CWC22: variants seen among roughly 807,000 people sequenced by gnomAD.
The protein encoded by CWC22 is CWC22 spliceosome associated protein.
CWC22 carries 53 observed loss-of-function variants against 117.2 expected under a neutral mutation model. The observed-to-expected ratio is 0.45, with a 90% CI of 0.36 to 0.57. CWC22 has a LOEUF of 0.57. Ranked by LOEUF, CWC22 falls within the 20% of genes least tolerant of loss-of-function variation. The probability of loss-of-function intolerance (pLI) is 0.00; values close to 1 mark genes in which losing one functional copy is unlikely to be tolerated. For synonymous variants in CWC22, 360 were observed against 355.6 expected, an observed-to-expected ratio of 1.01 and a Z score of -0.14; for missense variants, 980 against 1,068.8, an observed-to-expected ratio of 0.92 and a Z score of 1.16.
At position 179,950,485 on chromosome 2, in the gene CWC22, A is replaced by C. The variant is rs373059756; in HGVS notation, c.2140+27T>G. The C allele has an allele frequency of 6.3e-6, 9 of 1,434,074 alleles. No individual in the cohort carries two copies. In the African/African-American group the frequency reaches 1.3e-4, roughly 20 times the overall value. 88.8% of individuals were successfully genotyped at this position (1,434,074 alleles called of 1,614,324 possible). On this transcript the variant is annotated intron_variant, in intron 19 of 19. Coordinates refer to ENST00000410053, the MANE Select transcript of CWC22 (RefSeq NM_020943.3). Reference sequence around the variant, plus strand: ...GCAACATATTTATTAGAAAAGAGCAAGCCAAATTACACATAAGCTTCAATA... The same window carrying C: ...GCAACATATTTATTAGAAAAGAGCACGCCAAATTACACATAAGCTTCAATA...
At chr2:179,993,817 A>G (rs1687632213) in intron 1 of CWC22, among the ~76,000 whole-genome samples, 1 of 152,166 alleles carries the variant, frequency 6.6e-6, no homozygotes, top group African/African-American at 2.4e-5. Flanking sequence ...ACCTGAGGAA[A>G]CGATAGAAGA....
At chr2:179,960,312 A>G (rs2105516555) in intron 13 of CWC22, among the ~76,000 whole-genome samples, 1 of 152,144 alleles carries the variant, frequency 6.6e-6, no homozygotes, top group Admixed American at 6.5e-5. Flanking sequence ...TCAAGGTTTT[A>G]AAGAGACATA....
intron 12 of CWC22, among the ~76,000 whole-genome samples, chr2:179,965,010 A>G (rs1686853215): frequency 6.6e-6 from 1 of 152,192 alleles, no homozygotes; most frequent in Non-Finnish European, 1.5e-5. Context: ...AGTTGCAGAG[A>G]ACACTAGATC....
intron 17 of CWC22, among the ~76,000 whole-genome samples, chr2:179,952,235 A>G (rs1686469222): frequency 6.6e-6 from 1 of 152,098 alleles, no homozygotes; most frequent in Admixed American, 6.6e-5. Context: ...ACAATTCTGT[A>G]TTTTCTAAGA....
At chr2:179,956,101 A>G (rs1368520844) in intron 14 of CWC22, among the ~76,000 whole-genome samples, 1 of 151,926 alleles carries the variant, frequency 6.6e-6, no homozygotes, top group Non-Finnish European at 1.5e-5. Flanking sequence ...TGTCATATTT[A>G]CTAACACAGG....
intron 8 of CWC22, 46 bp from the exon 9 acceptor site, chr2:179,971,122 T>C: frequency 8.0e-7 from 1 of 1,244,448 alleles, no homozygotes; most frequent in Non-Finnish European, 1.1e-6. Context: ...TGCTTTTACA[T>C]ACATTAAATT....
chr2:179,960,815 T>C (rs1241301920), intron 13 of CWC22, among the ~76,000 whole-genome samples: 1 of 152,022 alleles, frequency 6.6e-6, no homozygotes, highest in Non-Finnish European at 1.5e-5. Flanking sequence ...GTATATCACG[T>C]GCTTAGAGAA....
chr2:179,945,377 T>TTCTC lies in CWC22; in HGVS notation c.2475_2478dup (p.Arg827GlufsTer7). ...TTCTCATTTTCAGAAAAAGAATTTC[T>TTCTC]TCTCTCTCCTCTCTTCTTTTTGGGA... On this transcript the variant is annotated frameshift_variant, in exon 20 of 20. Coordinates refer to ENST00000410053, the MANE Select transcript of CWC22 (RefSeq NM_020943.3). LOFTEE classifies it high-confidence loss of function. 6.2e-7 allele frequency: 1 copy of TTCTC among 1,612,038 alleles called. No homozygotes were observed. The highest frequency in any genetic ancestry group is 2.2e-5 in the East Asian group (1 of 44,864).
chr2:179,983,583 T>C (rs1687339047), intron 4 of CWC22, among the ~76,000 whole-genome samples: 1 of 152,282 alleles, frequency 6.6e-6, no homozygotes, highest in South Asian at 2.1e-4. Flanking sequence ...TACACATGCA[T>C]GTGTCTTTAT....
chr2:179,960,503 T>C (rs1686724524), intron 13 of CWC22, among the ~76,000 whole-genome samples: 1 of 152,002 alleles, frequency 6.6e-6, no homozygotes, highest in South Asian at 2.1e-4. Context: ...TTTTAAGAAA[T>C]ACATTCTTAT....
intron 13 of CWC22, among the ~76,000 whole-genome samples, chr2:179,961,557 C>T (rs1460491306): frequency 1.3e-5 from 2 of 151,920 alleles, no homozygotes; most frequent in Non-Finnish European, 2.9e-5. Flanking sequence ...AAACCAAAAA[C>T]ATTTAAAACA....
At chr2:179,957,956 G>A in intron 14 of CWC22, among the ~76,000 whole-genome samples, 1 of 152,126 alleles carries the variant, frequency 6.6e-6, no homozygotes, top group East Asian at 1.9e-4. Context: ...GTAAGACAGT[G>A]AGTCCCATGG....
chr2:179,976,710 AC>A (rs1416425760), intron 6 of CWC22, among the ~76,000 whole-genome samples: 11 of 152,336 alleles, frequency 7.2e-5, no homozygotes, highest in South Asian at 2.1e-4. Context: ...GAGACATCTC[AC>A]AACTGTTACA....
chr2:179,994,520 T>C (rs1687650895), intron 1 of CWC22, among the ~76,000 whole-genome samples: 1 of 152,170 alleles, frequency 6.6e-6, no homozygotes, highest in Non-Finnish European at 1.5e-5. Context: ...ATACAAATAG[T>C]CTTGACATTA....
chr2:179,973,953 TAAAA>T (rs368096331), intron 6 of CWC22, 151 bp from the exon 7 acceptor site: 60 of 444,626 alleles, frequency 1.3e-4, no homozygotes, highest in African/African-American at 1.0e-3. Flanking sequence ...TACTAATAAA[TAAAA>T]ATTGTTTTTC....
chr2:179,979,642 A>T (rs1244962735), intron 5 of CWC22, among the ~76,000 whole-genome samples: 1 of 152,150 alleles, frequency 6.6e-6, no homozygotes, highest in Admixed American at 6.5e-5. Flanking sequence ...GATAAAAAAC[A>T]GACTCACTTT....
intron 13 of CWC22, among the ~76,000 whole-genome samples, chr2:179,959,471 T>C (rs1686691642): frequency 6.6e-6 from 1 of 152,176 alleles, no homozygotes; most frequent in African/African-American, 2.4e-5. Flanking sequence ...ATGATGGTTG[T>C]ACAACTTTGT....
intron 16 of CWC22, among the ~76,000 whole-genome samples, chr2:179,953,127 G>A (rs1460918257): frequency 6.6e-6 from 1 of 152,060 alleles, no homozygotes; most frequent in Non-Finnish European, 1.5e-5. Flanking sequence ...TATGGGTTAT[G>A]TGTTTGGGGG....
chr2:179,950,124 T>C (rs1351082875), intron 19 of CWC22, among the ~76,000 whole-genome samples: 1 of 152,168 alleles, frequency 6.6e-6, no homozygotes, highest in Non-Finnish European at 1.5e-5. Context: ...AGATCCACAA[T>C]GAATGTATGA....
Sources: allele counts gnomAD v4.1 joint callset (sites outside exome capture counted in the v4.1 genomes callset), GRCh38; gene constraint gnomAD v4.1.1; transcripts MANE v1.5; gene names NCBI Gene and HGNC (gene_info 2026-07-23, HGNC 2026-07-21).